NR3C2: variants seen among roughly 807,000 people sequenced by gnomAD.
The protein encoded by NR3C2 is nuclear receptor subfamily 3 group C member 2.
NR3C2 carries 15 observed loss-of-function variants against 86.4 expected under a neutral mutation model. The ratio of observed to expected loss-of-function variants is 0.17; its 90% CI spans 0.12 to 0.27. The LOEUF is 0.27. Ranked by LOEUF, NR3C2 falls within the 10% of genes least tolerant of loss-of-function variation. The pLI, the probability that NR3C2 is intolerant of heterozygous loss-of-function variation, is 1.00. For missense variants in NR3C2, 960 were observed against 1,195.6 expected (o/e 0.80, Z 2.91); for synonymous variants, 458 against 450.5 (o/e 1.02, Z -0.21).
intron 2 of NR3C2, among the ~76,000 whole-genome samples, chr4:148,309,535 C>A (rs1485202960): frequency 6.6e-6 from 1 of 151,582 alleles, no homozygotes; most frequent in Non-Finnish European, 1.5e-5. Flanking sequence ...CACACATGCA[C>A]ATGGATAAAA....
At position 148,121,989 on chromosome 4, in the gene NR3C2, T is replaced by C. The variant is rs571743434; in HGVS notation, c.2511-1701A>G. 6.6e-5 allele frequency among the ~76,000 whole-genome samples: 6 copies of C among 91,358 alleles called. No individual in the cohort carries two copies. The South Asian group carries it at 2.0e-3, about 30-fold the overall frequency. The allele number at this position is 91,358 out of a possible 152,430, so 59.9% of individuals were successfully genotyped here. A position where few individuals can be genotyped will look rare whatever the true frequency, so the allele number is the denominator to read the frequency against. ...AAAACAGAACTTCTGAGTCATAGAT[T>C]TGCACATGTCACCTGCTTTCATTCC... On this transcript the variant is annotated intron_variant, in intron 6 of 8. Transcript: ENST00000358102.
At chr4:148,152,296 T>C in intron 6 of NR3C2, 173 bp downstream of exon 6, 1 of 627,950 alleles carries the variant, frequency 1.6e-6, no homozygotes, top group Non-Finnish European at 2.8e-6. Context: ...TACAGTATAA[T>C]GTTGCAAAGA....
chr4:148,317,676 T>C (rs1439123422), intron 2 of NR3C2, among the ~76,000 whole-genome samples: 1 of 152,082 alleles, frequency 6.6e-6, no homozygotes, highest in Non-Finnish European at 1.5e-5. Context: ...TGAAAATACA[T>C]CCTAAATCAT....
At chr4:148,190,509 A>AG (rs1488753752) in intron 4 of NR3C2, among the ~76,000 whole-genome samples, 1 of 152,178 alleles carries the variant, frequency 6.6e-6, no homozygotes, top group Non-Finnish European at 1.5e-5. Flanking sequence ...TGTATTCTGC[A>AG]GTTGCTGGAT....
chr4:148,435,997 G>C lies in NR3C2; in HGVS notation c.864C>G (p.Pro288=). The C allele has an allele frequency of 3.7e-6, 6 of 1,614,192 alleles. No homozygotes were observed. Among genetic ancestry groups the C allele is most frequent in the Non-Finnish European group, 5.1e-6 (6 of 1,180,038 alleles). Residue 288 remains proline (P), a synonymous_variant, in exon 2 of 9, where the codon CCC becomes CCG. Coordinates refer to ENST00000358102, the MANE Select transcript of NR3C2 (RefSeq NM_000901.5). The part of the protein sequence containing the change: ...HCSVKSPVSS[P]NNVTLRSSVS... ...CAGAGGATCTCAGAGTGACATTATT[G>C]GGACTGGAGACTGGAGATTTTACAC...
At chr4:148,147,856 C>T (rs556256857) in intron 6 of NR3C2, among the ~76,000 whole-genome samples, 1 of 152,176 alleles carries the variant, frequency 6.6e-6, no homozygotes, top group Admixed American at 6.5e-5. Flanking sequence ...ATGTGTGAGG[C>T]ATGCTTTGAG....
chr4:148,215,536 G>A (rs1333964088), intron 3 of NR3C2, among the ~76,000 whole-genome samples: 5 of 152,164 alleles, frequency 3.3e-5, no homozygotes, highest in East Asian at 1.9e-4. Flanking sequence ...AATGCCACAC[G>A]TGACCAAGGA....
At chr4:148,441,453 T>C (rs1429674625) in intron 1 of NR3C2, among the ~76,000 whole-genome samples, 1 of 152,256 alleles carries the variant, frequency 6.6e-6, no homozygotes, top group Non-Finnish European at 1.5e-5. Context: ...GCTCGTCTGC[T>C]ATCAAAAGTT....
At chr4:148,344,688 T>C (rs1361641475) in intron 2 of NR3C2, among the ~76,000 whole-genome samples, 1 of 152,144 alleles carries the variant, frequency 6.6e-6, no homozygotes, top group Non-Finnish European at 1.5e-5. Context: ...CTACTATTGT[T>C]CAACATGCTT....
At chr4:148,345,621 G>T (rs1379287112) in intron 2 of NR3C2, among the ~76,000 whole-genome samples, 1 of 151,838 alleles carries the variant, frequency 6.6e-6, no homozygotes, top group East Asian at 1.9e-4. Flanking sequence ...TTCGAAAGAA[G>T]AAATGTTCTT....
intron 4 of NR3C2, among the ~76,000 whole-genome samples, chr4:148,176,788 C>T (rs956777757): frequency 1.3e-5 from 2 of 152,140 alleles, no homozygotes; most frequent in African/African-American, 4.8e-5. Context: ...TGGGTTTTTG[C>T]TGAATAAATG....
intron 2 of NR3C2, among the ~76,000 whole-genome samples, chr4:148,388,668 C>T (rs1406044643): frequency 6.6e-6 from 1 of 152,096 alleles, no homozygotes; most frequent in Non-Finnish European, 1.5e-5. Context: ...ACTTATTATT[C>T]AGAATTAACC....
At chr4:148,252,879 T>C (rs1739643917) in intron 3 of NR3C2, among the ~76,000 whole-genome samples, 1 of 152,182 alleles carries the variant, frequency 6.6e-6, no homozygotes, top group East Asian at 1.9e-4. Flanking sequence ...CCTTGGATTA[T>C]TTTCTGGAAC....
At chr4:148,139,650 A>G (rs1438229076) in intron 6 of NR3C2, among the ~76,000 whole-genome samples, 1 of 152,184 alleles carries the variant, frequency 6.6e-6, no homozygotes, top group Non-Finnish European at 1.5e-5. Context: ...GTAGGTATGT[A>G]TGTTGGCTCG....
intron 2 of NR3C2, among the ~76,000 whole-genome samples, chr4:148,264,280 A>G (rs1740266965): frequency 6.6e-6 from 1 of 152,216 alleles, no homozygotes; most frequent in African/African-American, 2.4e-5. Context: ...TCATGTGGTT[A>G]TCTTTGAAAC....
intron 2 of NR3C2, among the ~76,000 whole-genome samples, chr4:148,351,706 A>G (rs955479996): frequency 4.6e-5 from 7 of 152,358 alleles, no homozygotes; most frequent in Non-Finnish European, 7.3e-5. Flanking sequence ...GTGATCAATC[A>G]GCAAATGCTT....
chr4:148,366,684 C>G (rs1169692311), intron 2 of NR3C2, among the ~76,000 whole-genome samples: 1 of 151,970 alleles, frequency 6.6e-6, no homozygotes, highest in Non-Finnish European at 1.5e-5. Flanking sequence ...GTCAAATCAT[C>G]AAAAATTCTG....
At chr4:148,153,816 C>T (rs1283029557) in intron 5 of NR3C2, among the ~76,000 whole-genome samples, 1 of 152,044 alleles carries the variant, frequency 6.6e-6, no homozygotes, top group East Asian at 1.9e-4. Context: ...AGAGTCATTC[C>T]AGGTCTCTTA....
intron 3 of NR3C2, among the ~76,000 whole-genome samples, chr4:148,207,733 T>C (rs189713685): frequency 1.8e-4 from 28 of 152,216 alleles, no homozygotes; most frequent in African/African-American, 6.5e-4. Flanking sequence ...AGTACAGTAG[T>C]CTCCCTTTAT....
Sources: gnomAD v4.1 joint callset for allele counts (sites outside exome capture counted in the v4.1 genomes callset) on GRCh38, gnomAD v4.1.1 for gene constraint, MANE v1.5 for transcripts, NCBI Gene and HGNC (gene_info 2026-07-23, HGNC 2026-07-21) for gene names.